The following PCDH19 variants were observed in gnomAD, a reference collection of about 807,000 sequenced individuals.
PCDH19 encodes protocadherin 19.
A neutral mutation model predicts 46.2 loss-of-function variants in PCDH19; 6 were observed. The observed-to-expected ratio is 0.13, with a 90% CI of 0.07 to 0.26. The LOEUF is 0.26. Among genes scored for constraint, PCDH19 ranks in the 10% least tolerant of loss-of-function variants. PCDH19 has a pLI of 1.00. For missense variants in PCDH19, 740 were observed against 972.3 expected (o/e 0.76, Z 3.18); for synonymous variants, 481 against 415.7 (o/e 1.16, Z -1.91).
In PCDH19 at chrX:100,409,637, A is replaced by T. The variant is rs770919199; in HGVS notation, c.-1040T>A. 98 of 189,725 alleles carry T rather than the reference A, an allele frequency of 5.2e-4. 1 individual carries two copies. Among genetic ancestry groups the T allele is most frequent in the African/African-American group, 3.0e-3 (94 of 31,366 alleles). The allele number at this position is 189,725 out of a possible 1,213,427, so 15.6% of individuals were successfully genotyped here. Reference sequence around the variant, plus strand: ...GGAGGCAACAACAGTACCGGCCAGGAGAGGCGGGGCCGCCGCCGTGGGTAC... The same window carrying T: ...GGAGGCAACAACAGTACCGGCCAGGTGAGGCGGGGCCGCCGCCGTGGGTAC... On this transcript the variant is annotated 5_prime_UTR_variant, in exon 1 of 6. Transcript: ENST00000373034.
At chrX:100,304,061 C>T (rs1388571031) in intron 5 of PCDH19, among the ~76,000 whole-genome samples, 1 of 112,395 alleles carries the variant, frequency 8.9e-6, no homozygotes, top group Non-Finnish European at 1.9e-5. Flanking sequence ...CCCTATAGTA[C>T]TGCAGCTGAT....
Position 100,361,779 on chromosome X carries a change from C to T in PCDH19, c.2617-11075G>A, listed in dbSNP as rs191675796. ...TTGAGAGTCTTCCTGCCAGGTCCTG[C>T]GCTCACACCACTAGGCCACACCTCA... On this transcript the variant is annotated intron_variant, in intron 3 of 5. Coordinates refer to ENST00000373034, the MANE Select transcript of PCDH19 (RefSeq NM_001184880.2). 1.8e-4 allele frequency among the ~76,000 whole-genome samples: 20 copies of T among 111,159 alleles called. No individual in the cohort carries two copies. In the East Asian group the frequency reaches 4.2e-3, roughly 24 times the overall value.
Position 100,341,921 on chromosome X carries a change from A to C in PCDH19, c.2830T>G (p.Ser944Ala). Reference sequence around the variant, plus strand: ...TCCTTACCATGATCAGGCATCTGAGATCCCATGGAGGTCACACTGGTGTTC... The same window carrying C: ...TCCTTACCATGATCAGGCATCTGAGCTCCCATGGAGGTCACACTGGTGTTC... Reference protein sequence around the residue: ...VLNTSVTSMGSQMPDHDQNEG... With the variant: ...VLNTSVTSMGAQMPDHDQNEG... The change falls in exon 5 of 6, where the codon TCT (serine) becomes GCT (alanine). Residue 944 changes from serine to alanine, a missense_variant. Around this residue, in one of 5 missense-constraint regions of PCDH19, gnomAD observed 416 missense variants for 476.8 expected, o/e 0.87. Coordinates refer to ENST00000373034, the MANE Select transcript of PCDH19 (RefSeq NM_001184880.2). 8.3e-7 allele frequency: 1 copy of C among 1,211,048 alleles called. No homozygotes were observed. The highest frequency in any genetic ancestry group is 1.1e-6 in the Non-Finnish European group (1 of 894,757).
chrX:100,404,062 CT>C lies in PCDH19; in HGVS notation c.2148-399del, dbSNP rs529404389. Among the ~76,000 whole-genome samples the C allele has an allele frequency of 4.3e-4, 48 of 112,068 alleles. 1 individual carries two copies. In the South Asian group the frequency reaches 0.018, roughly 42 times the overall value. On this transcript the variant is annotated intron_variant, in intron 1 of 5. Transcript: ENST00000373034. ...AATTCAAGCAGCAATTGCAGATCAT[CT>C]CGCAAGTCTCATAAATGAATGCATT...
At position 100,343,445 on chromosome X, in the gene PCDH19, T is replaced by C. The variant is rs752888240; in HGVS notation, c.2676-1370A>G. Among the ~76,000 whole-genome samples, 11 of 112,327 alleles carry C rather than the reference T, an allele frequency of 9.8e-5. No homozygotes were observed. In the East Asian group the frequency reaches 3.1e-3, roughly 32 times the overall value. ...TCTGAGTATAGTTATACTAAGAACA[T>C]GAAAACTTTCAGCTCAAGTGTTGAT... On this transcript the variant is annotated intron_variant, in intron 4 of 5. Transcript: ENST00000373034.
chrX:100,328,123 T>C (rs1303857362), intron 5 of PCDH19, among the ~76,000 whole-genome samples: 1 of 112,129 alleles, frequency 8.9e-6, no homozygotes, highest in African/African-American at 3.2e-5. Flanking sequence ...TAATAGTCAG[T>C]CAATTCCTCA....
At chrX:100,358,213 T>C (rs915572277) in intron 3 of PCDH19, among the ~76,000 whole-genome samples, 7 of 111,783 alleles carry the variant, frequency 6.3e-5, no homozygotes, top group African/African-American at 2.3e-4. Context: ...TTTGATAGCG[T>C]TTCTGTGAGA....
chrX:100,389,093 T>TA (rs1468404000), intron 3 of PCDH19, among the ~76,000 whole-genome samples: 2 of 111,085 alleles, frequency 1.8e-5, no homozygotes, highest in Non-Finnish European at 3.8e-5. Flanking sequence ...TATATAAGGG[T>TA]ATTGTTTAAA....
At chrX:100,388,037 C>G (rs1293050433) in intron 3 of PCDH19, among the ~76,000 whole-genome samples, 1 of 110,895 alleles carries the variant, frequency 9.0e-6, no homozygotes, top group East Asian at 2.8e-4. Flanking sequence ...TTTCTGATGT[C>G]AAAAATAACA....
chrX:100,389,158 G>A (rs1198268895), intron 3 of PCDH19, among the ~76,000 whole-genome samples: 2 of 110,546 alleles, frequency 1.8e-5, no homozygotes, highest in Admixed American at 9.7e-5. Flanking sequence ...CCTCATTCTC[G>A]ACAAAACATG....
At chrX:100,325,125 CTAGATAGATAGA>C (rs58882829) in intron 5 of PCDH19, among the ~76,000 whole-genome samples, 9,144 of 91,400 alleles carry the variant, frequency 0.1, 438 homozygotes, top group Non-Finnish European at 0.15. Context: ...AGAAAAAATA[CTAGATAGATAGA>C]TAGATAGATA....
intron 2 of PCDH19, 99 bp downstream of exon 2, chrX:100,403,425 G>T: frequency 1.2e-6 from 1 of 862,909 alleles, no homozygotes; most frequent in Non-Finnish European, 1.7e-6. Flanking sequence ...CCTCCTCCCT[G>T]CCCTAGCCCG....
chrX:100,368,292 C>T (rs141950210), intron 3 of PCDH19, among the ~76,000 whole-genome samples: 12,416 of 110,865 alleles, frequency 0.11, 733 homozygotes, highest in Middle Eastern at 0.2. Context: ...TGAAAACTGG[C>T]TCTACTCCCC....
chrX:100,359,479 C>G (rs779194529), intron 3 of PCDH19, among the ~76,000 whole-genome samples: 1 of 111,908 alleles, frequency 8.9e-6, no homozygotes, highest in Non-Finnish European at 1.9e-5. Context: ...CAATGGCAAC[C>G]ATTGTTAGAA....
intron 5 of PCDH19, among the ~76,000 whole-genome samples, chrX:100,333,807 T>A (rs1471201676): frequency 1.2e-5 from 1 of 84,999 alleles, no homozygotes; most frequent in South Asian, 5.0e-4. Context: ...TTTTTTTTTT[T>A]AAGACAGAGT....
intron 3 of PCDH19, among the ~76,000 whole-genome samples, chrX:100,376,221 G>C (rs1241541210): frequency 2.1e-5 from 2 of 93,805 alleles, no homozygotes; most frequent in Non-Finnish European, 4.2e-5. Context: ...GGCAACAAGA[G>C]TGAAACTCCG....
At chrX:100,333,166 GAA>G (rs1569294650) in intron 5 of PCDH19, among the ~76,000 whole-genome samples, 333 of 29,900 alleles carry the variant, frequency 0.011, 1 homozygote, top group Non-Finnish European at 0.018. Flanking sequence ...AGGAAGGAAG[GAA>G]GGAAGGGAGA....
intron 3 of PCDH19, among the ~76,000 whole-genome samples, chrX:100,387,922 T>C (rs980944101): frequency 9.0e-6 from 1 of 111,283 alleles, no homozygotes; most frequent in African/African-American, 3.3e-5. Flanking sequence ...ATAAGGAACA[T>C]TTTGGTCTGC....
chrX:100,342,269 G>C (rs1278145221), intron 4 of PCDH19, among the ~76,000 whole-genome samples, 194 bp from the exon 5 acceptor site: 3 of 111,904 alleles, frequency 2.7e-5, no homozygotes, highest in Admixed American at 9.5e-5. Context: ...CCCACTATTG[G>C]ATGCTGATAC....
Sources: allele counts gnomAD v4.1 joint callset (sites outside exome capture counted in the v4.1 genomes callset), GRCh38; gene constraint gnomAD v4.1.1; regional missense constraint gnomAD v4.1.1; transcripts MANE v1.5; gene names NCBI Gene and HGNC (gene_info 2026-07-23, HGNC 2026-07-21).